PARD3B: variants seen among roughly 807,000 people sequenced by gnomAD.
PARD3B encodes par-3 family cell polarity regulator beta, also known as partitioning defective 3 homolog B.
A neutral mutation model predicts 130.2 loss-of-function variants in PARD3B; 103 were observed. The observed-to-expected ratio is 0.79, with a 90% CI of 0.67 to 0.93. The LOEUF (loss-of-function observed/expected upper bound fraction) is 0.93, where lower values mean the gene tolerates loss of function less well. Among genes scored for constraint, PARD3B ranks in the 40% least tolerant of loss-of-function variants. The pLI is 0.00. For synonymous variants in PARD3B, 583 were observed against 553.2 expected, an observed-to-expected ratio of 1.05 and a Z score of -0.76; for missense variants, 1,609 against 1,499.2, an observed-to-expected ratio of 1.07 and a Z score of -1.21.
At chr2:205,533,164 C>G (rs1039288520) in intron 21 of PARD3B, among the ~76,000 whole-genome samples, 4 of 152,068 alleles carry the variant, frequency 2.6e-5, no homozygotes, top group African/African-American at 9.7e-5. Flanking sequence ...AAATATTAGA[C>G]ATATTTTCTT....
intron 20 of PARD3B, among the ~76,000 whole-genome samples, chr2:205,498,547 G>A (rs1227507539): frequency 2.0e-5 from 3 of 151,960 alleles, no homozygotes; most frequent in African/African-American, 7.2e-5. Context: ...ACTTTTATTC[G>A]AATTTGCTTT....
chr2:204,805,969 T>C (rs56036505), intron 2 of PARD3B, among the ~76,000 whole-genome samples: 6,671 of 151,928 alleles, frequency 0.044, 194 homozygotes, highest in East Asian at 0.16. Flanking sequence ...TTATGAAACA[T>C]TGATGTGAGA....
chr2:204,867,857 A>G (rs2045486463), intron 2 of PARD3B, among the ~76,000 whole-genome samples: 2 of 152,150 alleles, frequency 1.3e-5, no homozygotes, highest in Non-Finnish European at 2.9e-5. Flanking sequence ...CTGTTCTTTA[A>G]CTGTTGATAT....
chr2:204,910,957 T>G (rs1237058345), intron 2 of PARD3B, among the ~76,000 whole-genome samples: 2 of 152,158 alleles, frequency 1.3e-5, no homozygotes, highest in Non-Finnish European at 2.9e-5. Flanking sequence ...TAATATAATC[T>G]TCTTCCCCTT....
rs921926162 is a variant in PARD3B at position 205,301,608 on chromosome 2, A to G, written c.2537A>G (p.Lys846Arg). The G allele has an allele frequency of 5.6e-6, 9 of 1,613,642 alleles. No homozygotes were observed. The African/African-American group carries it at 1.2e-4, about 22-fold the overall frequency. The change falls in exon 18 of 23, where the codon AAG becomes AGG. Residue 846 changes from lysine (K) to arginine (R), a missense_variant. By Grantham distance (26) the Lys-to-Arg change is conservative (BLOSUM62 2). Coordinates refer to ENST00000406610, the MANE Select transcript of PARD3B (RefSeq NM_001302769.2). The surrounding 1 kb of genome is among the most constrained non-coding windows in gnomAD (Gnocchi z 5.2). ...AAAGAGAAGGAGAAGAAAAAGGAAA[A>G]GGGCAAATTGAAAGTCAAGGAGAAA... is the stretch of plus-strand genomic sequence containing the variant. ...KTKEKEKKKE[K>R]GKLKVKEKKR... is the part of the protein sequence containing the mutation.
intron 4 of PARD3B, among the ~76,000 whole-genome samples, chr2:205,097,586 G>A (rs1004880230): frequency 1.1e-4 from 17 of 152,138 alleles, no homozygotes; most frequent in African/African-American, 3.6e-4. Flanking sequence ...TCAGAAACTT[G>A]TAGAAGCTCG....
intron 4 of PARD3B, among the ~76,000 whole-genome samples, chr2:205,072,325 C>G (rs776589621): frequency 1.2e-4 from 18 of 151,318 alleles, no homozygotes; most frequent in Non-Finnish European, 2.6e-4. Context: ...TCTTGGCTCA[C>G]TGCAACTTCT....
intron 2 of PARD3B, among the ~76,000 whole-genome samples, chr2:204,833,582 C>G (rs570500478): frequency 6.6e-6 from 1 of 152,154 alleles, no homozygotes; most frequent in South Asian, 2.1e-4. Context: ...GGGTGTGGGT[C>G]TTTCCTGTGC....
chr2:205,024,804 A>G (rs1248608882), intron 3 of PARD3B, among the ~76,000 whole-genome samples: 1 of 152,256 alleles, frequency 6.6e-6, no homozygotes, highest in African/African-American at 2.4e-5. Context: ...GGTAAGCACT[A>G]TAACTAATGA....
In PARD3B at chr2:205,244,707, C is replaced by G. The variant is rs1363703382; in HGVS notation, c.2141-1071C>G. Among the ~76,000 whole-genome samples, 1 of 151,888 alleles carries G rather than the reference C, an allele frequency of 6.6e-6. No individual in the cohort carries two copies. Among genetic ancestry groups the G allele is most frequent in the East Asian group, 1.9e-4 (1 of 5,184 alleles). ...TTTTCAAAAAACTACTATAGGGCGA[C>G]CCATGTTATCTAATTCTTCCTATAT... is the stretch of plus-strand genomic sequence containing the variant. On this transcript the variant is annotated intron_variant, in intron 15 of 22. Coordinates refer to ENST00000406610, the MANE Select transcript of PARD3B (RefSeq NM_001302769.2). The surrounding 1 kb of genome is among the most constrained non-coding windows in gnomAD (Gnocchi z 4.7).
chr2:205,136,655 GA>G (rs1169694847), intron 10 of PARD3B, among the ~76,000 whole-genome samples: 1 of 151,952 alleles, frequency 6.6e-6, no homozygotes, highest in Non-Finnish European at 1.5e-5. Context: ...CACTGGAGGA[GA>G]AAAACAAACA....
intron 4 of PARD3B, among the ~76,000 whole-genome samples, chr2:205,094,053 A>G (rs971472691): frequency 2.7e-4 from 41 of 152,098 alleles, no homozygotes; most frequent in Admixed American, 2.4e-3. Flanking sequence ...TTCTCTCCAT[A>G]CAGTTGTCTT....
chr2:205,041,670 C>T (rs1698405588), intron 3 of PARD3B, among the ~76,000 whole-genome samples: 1 of 151,990 alleles, frequency 6.6e-6, no homozygotes, highest in South Asian at 2.1e-4. Context: ...GATGAAATGA[C>T]ACCAATATTG....
At position 205,309,445 on chromosome 2, in the gene PARD3B, C is replaced by T. The variant is rs10199654; in HGVS notation, c.2630+7744C>T. Among the ~76,000 whole-genome samples the T allele has an allele frequency of 0.61, 93,004 of 152,024 alleles. 30,044 individuals carry two copies. Among genetic ancestry groups the T allele is most frequent in the South Asian group, 0.76 (3,637 of 4,814 alleles). On this transcript the variant is annotated intron_variant, in intron 18 of 22. Transcript: ENST00000406610. This position sits in a 1 kb window ranked among gnomAD's most constrained non-coding sequence, Gnocchi z 4.7. ...AGGCATCAACTTTTTGTTCCTAAGC[C>T]TTACAGATTTTAAGGCATATATGTT...
At chr2:205,544,768 T>C (rs983635912) in intron 21 of PARD3B, among the ~76,000 whole-genome samples, 1 of 152,214 alleles carries the variant, frequency 6.6e-6, no homozygotes, top group Non-Finnish European at 1.5e-5. Context: ...TATAAAATCA[T>C]CATGTGCCTG....
chr2:205,393,419 CAT>C (rs1410492508), intron 18 of PARD3B, among the ~76,000 whole-genome samples: 2 of 152,188 alleles, frequency 1.3e-5, no homozygotes, highest in Non-Finnish European at 2.9e-5. Context: ...TAGGTTTTCA[CAT>C]GTGACATTGT....
At position 205,287,621 on chromosome 2, in the gene PARD3B, A is replaced by G. The variant is rs1165735896; in HGVS notation, c.2186-12909A>G. The stretch of plus-strand genomic sequence containing the variant: ...TCGTAGGCACACTGAATGAGAGTTG[A>G]GGAGGCATAGTACACCAAGGAAAGC... On this transcript the variant is annotated intron_variant, in intron 16 of 22. Coordinates refer to ENST00000406610, the MANE Select transcript of PARD3B (RefSeq NM_001302769.2). This position sits in a 1 kb window ranked among gnomAD's most constrained non-coding sequence, Gnocchi z 4.8. Among the ~76,000 whole-genome samples, 2 of 152,172 alleles carry G rather than the reference A, an allele frequency of 1.3e-5. No individual in the cohort carries two copies. The highest frequency in any genetic ancestry group is 2.4e-5 in the African/African-American group (1 of 41,454).
At chr2:204,550,401 C>T (rs1291117561) in intron 1 of PARD3B, among the ~76,000 whole-genome samples, 2 of 127,852 alleles carry the variant, frequency 1.6e-5, no homozygotes, top group East Asian at 2.4e-4. Context: ...TGCATGGATG[C>T]GGAGGGCTGA....
chr2:205,428,263 C>T (rs2047213755), intron 19 of PARD3B, among the ~76,000 whole-genome samples: 1 of 152,114 alleles, frequency 6.6e-6, no homozygotes. Flanking sequence ...ACCTGTAGTC[C>T]CAGCTACTCA....
Sources: allele counts gnomAD v4.1 joint callset (sites outside exome capture counted in the v4.1 genomes callset), GRCh38; gene constraint gnomAD v4.1.1; non-coding constraint Gnocchi (gnomAD v3.1); transcripts MANE v1.5; gene names NCBI Gene and HGNC (gene_info 2026-07-23, HGNC 2026-07-21).